RIN2: variants seen among roughly 807,000 people sequenced by gnomAD.
The protein encoded by RIN2 is RAB5 interacting protein 2.
In RIN2, 36 loss-of-function variants were observed where a neutral mutation model predicts 78.0. That is an observed-to-expected ratio of 0.46 (90% CI 0.35 to 0.61). The LOEUF is 0.61. Among genes scored for constraint, RIN2 ranks in the 20% least tolerant of loss-of-function variants. RIN2 has a pLI of 0.00. For synonymous variants in RIN2, 466 were observed against 466.8 expected (o/e 1.00, Z 0.02); for missense variants, 1,087 against 1,159.7 (o/e 0.94, Z 0.91).
Position 20,000,941 on chromosome 20 carries a change from C to CA in RIN2, c.*6dup. On this transcript the variant is annotated 3_prime_UTR_variant, in exon 13 of 13. Transcript: ENST00000255006. ...GAAGACCTCACCACCTCCTAGAAGA[C>CA]AGGCGGGACTTCCCAGTGGTGCATC... is the stretch of plus-strand genomic sequence containing the variant. 1.2e-6 allele frequency: 2 copies of CA among 1,602,804 alleles called. No individual in the cohort carries two copies. The highest frequency in any genetic ancestry group is 8.5e-7 in the Non-Finnish European group (1 of 1,174,710).
In RIN2 at chr20:19,990,328, C is replaced by T. The variant is rs977904744; in HGVS notation, c.2068+17C>T. ...ACAACTCAGGTGAGGCCGCTGGAAG[C>T]CCAGGCTTCGTGCCGCTTCCCTTCC... On this transcript the variant is annotated intron_variant, in intron 10 of 12. Coordinates refer to ENST00000255006, the MANE Select transcript of RIN2 (RefSeq NM_018993.4). The T allele has an allele frequency of 5.6e-6, 9 of 1,594,446 alleles. 1 individual carries two copies. Among genetic ancestry groups the T allele is most frequent in the Middle Eastern group, 1.7e-4 (1 of 5,890 alleles).
chr20:19,903,084 C>T (rs570268653), intron 3 of RIN2, among the ~76,000 whole-genome samples: 9 of 152,162 alleles, frequency 5.9e-5, no homozygotes, highest in African/African-American at 1.9e-4. Context: ...CAGAGCGAGA[C>T]TCTGTCTCAA....
At chr20:19,943,630 A>T (rs1307770927) in intron 4 of RIN2, among the ~76,000 whole-genome samples, 3 of 152,026 alleles carry the variant, frequency 2.0e-5, no homozygotes, top group African/African-American at 7.3e-5. Context: ...CTCTAGGGAA[A>T]CTCCCTAAGT....
chr20:19,875,412 A>G (rs369677421), intron 2 of RIN2, among the ~76,000 whole-genome samples: 50 of 152,014 alleles, frequency 3.3e-4, no homozygotes, highest in African/African-American at 1.1e-3. Context: ...TGATCTGCCC[A>G]CCTCAGCCTC....
chr20:19,967,026 T>C (rs1244869686), intron 7 of RIN2, among the ~76,000 whole-genome samples: 1 of 152,098 alleles, frequency 6.6e-6, no homozygotes, highest in Non-Finnish European at 1.5e-5. Flanking sequence ...TGGCCAGGGG[T>C]GAAGCCAGCT....
At position 19,886,100 on chromosome 20, in the gene RIN2, G is replaced by A. The variant is rs758688898; in HGVS notation, c.-36-3466G>A. On this transcript the variant is annotated intron_variant, in intron 2 of 12. Transcript: ENST00000255006. The stretch of plus-strand genomic sequence containing the variant: ...CTTGCCAAGATCTGGCCTGTGGCCC[G>A]GCGCAGCAAAAGCTGGGAAAATGCC... Among the ~76,000 whole-genome samples, 132 of 152,328 alleles carry A rather than the reference G, an allele frequency of 8.7e-4. 1 individual carries two copies. The highest frequency in any genetic ancestry group is 5.8e-4 in the African/African-American group (24 of 41,568).
At chr20:19,922,156 G>C (rs1445019273) in intron 3 of RIN2, among the ~76,000 whole-genome samples, 1 of 152,202 alleles carries the variant, frequency 6.6e-6, no homozygotes, top group African/African-American at 2.4e-5. Context: ...GTGAGCCACT[G>C]CTCCCCGCCT....
intron 9 of RIN2, among the ~76,000 whole-genome samples, chr20:19,980,637 T>A (rs938833826): frequency 2.0e-5 from 3 of 152,174 alleles, no homozygotes; most frequent in Admixed American, 2.0e-4. Context: ...TTGAGGAATG[T>A]CACCCAAAAG....
intron 2 of RIN2, among the ~76,000 whole-genome samples, chr20:19,816,654 G>A (rs1304741639): frequency 6.6e-6 from 1 of 152,190 alleles, no homozygotes; most frequent in Non-Finnish European, 1.5e-5. Flanking sequence ...GAAGTTGCAT[G>A]TGGTTGCCTT....
In RIN2 at chr20:19,823,086, G is replaced by C. The variant is rs893889503; in HGVS notation, c.-37+23339G>C. On this transcript the variant is annotated intron_variant, in intron 2 of 12. Transcript: ENST00000255006. ...TATTCAATGCCCATTTTACAGATGA[G>C]GAAACTAAAGCACAGAGTAACTAAG... 1.4e-5 allele frequency among the ~76,000 whole-genome samples: 2 copies of C among 139,066 alleles called. 1 individual carries two copies. The highest frequency in any genetic ancestry group is 3.1e-5 in the Non-Finnish European group (2 of 65,120). 91.2% of individuals were successfully genotyped at this position (139,066 alleles called of 152,430 possible). A position where few individuals can be genotyped will look rare whatever the true frequency, so the allele number is the denominator to read the frequency against.
intron 4 of RIN2, among the ~76,000 whole-genome samples, chr20:19,938,417 G>A (rs1422662454): frequency 6.6e-6 from 1 of 151,642 alleles, no homozygotes; most frequent in Non-Finnish European, 1.5e-5. Context: ...AGAGATTGGG[G>A]TCTCTCTGTG....
chr20:19,813,259 G>A (rs372920938), intron 2 of RIN2, among the ~76,000 whole-genome samples: 31 of 152,140 alleles, frequency 2.0e-4, no homozygotes, highest in Admixed American at 7.2e-4. Flanking sequence ...TGGGCTAATC[G>A]GCCAATAGCA....
chr20:19,855,843 A>T (rs554483379), intron 2 of RIN2, among the ~76,000 whole-genome samples: 130 of 152,322 alleles, frequency 8.5e-4, no homozygotes, highest in Non-Finnish European at 1.3e-3. Context: ...TGGGAGGCCA[A>T]GGCGGGTGGA....
intron 2 of RIN2, among the ~76,000 whole-genome samples, chr20:19,885,262 T>A (rs746224880): frequency 8.6e-5 from 13 of 152,016 alleles, no homozygotes; most frequent in Non-Finnish European, 1.5e-4. Context: ...GGAGAAGAGA[T>A]TGGGCCGATG....
At chr20:19,770,293 A>G (rs910181313) in intron 1 of RIN2, among the ~76,000 whole-genome samples, 11 of 152,230 alleles carry the variant, frequency 7.2e-5, no homozygotes, top group Non-Finnish European at 1.5e-4. Flanking sequence ...GAACTATGCA[A>G]TTAAGGATTA....
intron 2 of RIN2, among the ~76,000 whole-genome samples, chr20:19,888,414 A>T (rs1214236985): frequency 6.6e-6 from 1 of 152,146 alleles, no homozygotes; most frequent in Non-Finnish European, 1.5e-5. Flanking sequence ...ACGTCCCTAA[A>T]TATCGCCCTC....
chr20:19,861,965 C>T (rs2037356176), intron 2 of RIN2, among the ~76,000 whole-genome samples: 2 of 119,218 alleles, frequency 1.7e-5, no homozygotes, highest in African/African-American at 5.5e-5. Context: ...GATGCTCACC[C>T]TCCATATCTG....
At chr20:19,870,655 A>G (rs888591557) in intron 2 of RIN2, among the ~76,000 whole-genome samples, 2 of 152,226 alleles carry the variant, frequency 1.3e-5, no homozygotes, top group Admixed American at 6.5e-5. Flanking sequence ...AAAAAAAAGA[A>G]AGAAAGAAAG....
Position 19,956,816 on chromosome 20 carries a change from C to T in RIN2, c.351+9C>T, listed in dbSNP as rs748023945. On this transcript the variant is annotated intron_variant, in intron 5 of 12. Transcript: ENST00000255006. The stretch of plus-strand genomic sequence containing the variant: ...AGGCCCAGCCTCCGGGGGTAAGACT[C>T]AGAACCTCGGGAAGCAGGTTGAAGC... The T allele has an allele frequency of 1.3e-6, 2 of 1,548,610 alleles. No individual in the cohort carries two copies. Among genetic ancestry groups the T allele is most frequent in the African/African-American group, 1.4e-5 (1 of 73,370 alleles).
Sources: gnomAD v4.1 joint callset for allele counts (sites outside exome capture counted in the v4.1 genomes callset) on GRCh38, gnomAD v4.1.1 for gene constraint, MANE v1.5 for transcripts, NCBI Gene and HGNC (gene_info 2026-07-23, HGNC 2026-07-21) for gene names.